The following DACH2 variants were observed in gnomAD, a reference collection of about 807,000 sequenced individuals.
DACH2 encodes dachshund family transcription factor 2, also known as dachshund homolog 2.
Under a neutral mutation model 35.8 loss-of-function variants are expected in DACH2, and 17 were observed. That is an observed-to-expected ratio of 0.48 (90% CI 0.33 to 0.71). The LOEUF (loss-of-function observed/expected upper bound fraction) is 0.71, where lower values mean the gene tolerates loss of function less well. DACH2 is among the 30% of genes least tolerant of loss of function. The pLI is 0.02. For missense variants in DACH2, 469 were observed against 472.7 expected, an observed-to-expected ratio of 0.99 and a Z score of 0.07; for synonymous variants, 195 against 177.3, an observed-to-expected ratio of 1.10 and a Z score of -0.79.
intron 3 of DACH2, among the ~76,000 whole-genome samples, chrX:86,607,395 G>T (rs2039872325): frequency 9.0e-6 from 1 of 110,814 alleles, no homozygotes; most frequent in South Asian, 3.8e-4. Context: ...GTACATATAT[G>T]CTATCTTATA....
At chrX:86,701,875 G>A (rs1044701129) in intron 5 of DACH2, among the ~76,000 whole-genome samples, 3 of 111,218 alleles carry the variant, frequency 2.7e-5, no homozygotes, top group Non-Finnish European at 5.7e-5. Context: ...AGGGTGGAGG[G>A]TACAAGGAGG....
chrX:86,794,556 T>C (rs1012471454), intron 7 of DACH2, among the ~76,000 whole-genome samples: 7 of 109,890 alleles, frequency 6.4e-5, no homozygotes, highest in Non-Finnish European at 1.3e-4. Context: ...GAAAAGCAAA[T>C]AAAAAATAAT....
At position 86,164,439 on chromosome X, in the gene DACH2, T is replaced by C. The variant is rs144939599; in HGVS notation, c.488+15331T>C. ...CTGTGCAGAAGCTCTTAAATTTAAT[T>C]AGATTCCACTTGTCAATTTTTGCTT... On this transcript the variant is annotated intron_variant, in intron 1 of 11. Transcript: ENST00000373125. Among the ~76,000 whole-genome samples, 100 of 112,040 alleles carry C rather than the reference T, an allele frequency of 8.9e-4. No homozygotes were observed. The South Asian group carries it at 0.016, about 18-fold the overall frequency.
chrX:86,326,785 G>A (rs931510727), intron 1 of DACH2, among the ~76,000 whole-genome samples: 4 of 111,197 alleles, frequency 3.6e-5, no homozygotes, highest in Non-Finnish European at 7.5e-5. Context: ...AGAACATATG[G>A]TTAAAAAATC....
chrX:86,555,035 T>C (rs1489548586), intron 3 of DACH2, among the ~76,000 whole-genome samples: 1 of 111,307 alleles, frequency 9.0e-6, no homozygotes, highest in Non-Finnish European at 1.9e-5. Flanking sequence ...TTTTTTTTCT[T>C]GAACTATAAA....
chrX:86,293,872 C>A (rs1395712387), intron 1 of DACH2, among the ~76,000 whole-genome samples: 3 of 110,833 alleles, frequency 2.7e-5, no homozygotes, highest in African/African-American at 9.9e-5. Flanking sequence ...TCCTTCATTT[C>A]AACTTTGGTG....
chrX:86,650,089 T>G (rs2040460818), intron 3 of DACH2, among the ~76,000 whole-genome samples: 1 of 110,825 alleles, frequency 9.0e-6, no homozygotes, highest in South Asian at 3.8e-4. Context: ...AGTACTTGTT[T>G]CCTTATATAT....
chrX:86,606,207 T>C (rs1365071521), intron 3 of DACH2, among the ~76,000 whole-genome samples: 1 of 111,263 alleles, frequency 9.0e-6, no homozygotes, highest in African/African-American at 3.3e-5. Context: ...ATCTTTATTA[T>C]ATCTTTTTTC....
intron 2 of DACH2, among the ~76,000 whole-genome samples, chrX:86,509,029 G>A (rs780173188): frequency 2.7e-4 from 30 of 111,248 alleles, no homozygotes; most frequent in Non-Finnish European, 5.5e-4. Context: ...TTCTACTTGA[G>A]CCTTAACATT....
At chrX:86,478,915 G>T (rs764967470) in intron 2 of DACH2, among the ~76,000 whole-genome samples, 9 of 111,094 alleles carry the variant, frequency 8.1e-5, no homozygotes, top group Non-Finnish European at 1.5e-4. Context: ...AAGGACAGAG[G>T]GCTTTCTGTA....
At chrX:86,440,961 T>C (rs900401232) in intron 2 of DACH2, among the ~76,000 whole-genome samples, 1 of 111,161 alleles carries the variant, frequency 9.0e-6, no homozygotes, top group Non-Finnish European at 1.9e-5. Flanking sequence ...ATGTTGTACC[T>C]GTTGACCAAC....
chrX:86,638,214 G>T (rs974162255), intron 3 of DACH2, among the ~76,000 whole-genome samples: 1 of 111,736 alleles, frequency 8.9e-6, no homozygotes, highest in African/African-American at 3.3e-5. Flanking sequence ...ACCATATGCC[G>T]AAGAATGAAA....
At chrX:86,409,321 T>A (rs1330811461) in intron 2 of DACH2, among the ~76,000 whole-genome samples, 1 of 111,379 alleles carries the variant, frequency 9.0e-6, no homozygotes, top group Non-Finnish European at 1.9e-5. Context: ...TATGGCATAG[T>A]GGCACTTCAT....
intron 2 of DACH2, among the ~76,000 whole-genome samples, chrX:86,389,508 A>C (rs1489915590): frequency 8.9e-6 from 1 of 112,382 alleles, no homozygotes; most frequent in East Asian, 2.8e-4. Flanking sequence ...AGGACAAGTT[A>C]AATGATAAAT....
intron 3 of DACH2, among the ~76,000 whole-genome samples, chrX:86,612,470 C>T (rs756329765): frequency 1.8e-5 from 2 of 111,285 alleles, no homozygotes; most frequent in South Asian, 3.8e-4. Flanking sequence ...TCATTCAGAA[C>T]CCCAGAGCAA....
chrX:86,175,095 T>C (rs968468665), intron 1 of DACH2, among the ~76,000 whole-genome samples: 3 of 111,273 alleles, frequency 2.7e-5, no homozygotes, highest in Admixed American at 9.6e-5. Context: ...TGACTGTAAA[T>C]AGAAAAGAGT....
intron 7 of DACH2, among the ~76,000 whole-genome samples, chrX:86,777,925 AG>A (rs1368968392): frequency 1.8e-5 from 2 of 111,500 alleles, no homozygotes; most frequent in African/African-American, 6.5e-5. Flanking sequence ...AGTTTTTTAA[AG>A]GGGGAATTAA....
chrX:86,694,656 G>T (rs2041046647), intron 4 of DACH2, among the ~76,000 whole-genome samples: 1 of 111,995 alleles, frequency 8.9e-6, no homozygotes, highest in Non-Finnish European at 1.9e-5. Flanking sequence ...TCAGTGATCA[G>T]TACAGTCCTT....
chrX:86,783,109 T>C (rs2147311827), intron 7 of DACH2, among the ~76,000 whole-genome samples: 1 of 111,448 alleles, frequency 9.0e-6, no homozygotes, highest in East Asian at 2.8e-4. Context: ...GGCAAAAGAT[T>C]TGAACAGACA....
Sources: allele counts gnomAD v4.1 joint callset (sites outside exome capture counted in the v4.1 genomes callset), GRCh38; gene constraint gnomAD v4.1.1; transcripts MANE v1.5; gene names NCBI Gene and HGNC (gene_info 2026-07-23, HGNC 2026-07-21).